DENND4C: variants seen among roughly 807,000 people sequenced by gnomAD.
DENND4C encodes DENN domain-containing protein 4C.
Under a neutral mutation model 203.0 loss-of-function variants are expected in DENND4C, and 108 were observed. The observed-to-expected ratio is 0.53, with a 90% CI of 0.46 to 0.62. DENND4C has a LOEUF of 0.62. Ranked by LOEUF, DENND4C falls within the 20% of genes least tolerant of loss-of-function variation. The pLI is 0.00. For missense variants in DENND4C, 2,481 were observed against 2,301.2 expected (o/e 1.08, Z -1.60); for synonymous variants, 871 against 792.4 (o/e 1.10, Z -1.67).
At chr9:19,318,243 C>G (rs910146973) in intron 12 of DENND4C, among the ~76,000 whole-genome samples, 37 of 152,150 alleles carry the variant, frequency 2.4e-4, no homozygotes, top group African/African-American at 8.9e-4. Context: ...CACTTGAACT[C>G]GGGAGATGGA....
At chr9:19,336,517 A>G (rs1820509802) in intron 19 of DENND4C, 103 bp downstream of exon 19, 1 of 1,451,636 alleles carries the variant, frequency 6.9e-7, no homozygotes, top group Non-Finnish European at 9.1e-7. Flanking sequence ...TCCGGTAGAC[A>G]TTTTCACATA....
chr9:19,342,081 G>A (rs1821778910), intron 21 of DENND4C, among the ~76,000 whole-genome samples: 1 of 138,866 alleles, frequency 7.2e-6, no homozygotes, highest in African/African-American at 2.8e-5. Context: ...CCAATATTGT[G>A]CCATTGCACT....
rs1839023777 is a variant in DENND4C at position 19,303,527 on chromosome 9, A to C, written c.1312-1825A>C. On this transcript the variant is annotated intron_variant, in intron 9 of 32. Coordinates refer to ENST00000434457, the MANE Select transcript of DENND4C (RefSeq NM_001330640.2). ...AAATATTTACTGTCTTTTACAGAAA[A>C]AGTTGCTGACTTTTATCCTAAACTA... 3.3e-5 allele frequency among the ~76,000 whole-genome samples: 5 copies of C among 152,328 alleles called. 1 individual carries two copies. The South Asian group carries it at 1.0e-3, about 32-fold the overall frequency.
intron 1 of DENND4C, among the ~76,000 whole-genome samples, chr9:19,236,414 G>A (rs1298413150): frequency 6.6e-6 from 1 of 152,198 alleles, no homozygotes. Flanking sequence ...ATGAAAAAAT[G>A]TGATGAAGTT....
intron 2 of DENND4C, among the ~76,000 whole-genome samples, chr9:19,279,788 G>A (rs1052822608): frequency 2.0e-5 from 3 of 152,152 alleles, no homozygotes; most frequent in Admixed American, 1.3e-4. Context: ...GGCTCCGATT[G>A]TGCCACTGTA....
At chr9:19,230,673 C>T (rs1344359728), upstream of DENND4C, 3 of 152,186 alleles carry the variant, frequency 2.0e-5, no homozygotes, top group East Asian at 5.8e-4. Context: ...GAGACCCTGC[C>T]CGCGAGGCGG....
At chr9:19,323,826 G>A (rs1361848628) in intron 12 of DENND4C, among the ~76,000 whole-genome samples, 1 of 152,124 alleles carries the variant, frequency 6.6e-6, no homozygotes, top group Non-Finnish European at 1.5e-5. Context: ...TGAAGAGTTT[G>A]ATAGAAGTAT....
At position 19,282,715 on chromosome 9, in the gene DENND4C, C is replaced by CTTTTTTTTTTTTTTTTTT. The variant is rs1554717864; in HGVS notation, c.306-4052_306-4035dup. Reference sequence around the variant, plus strand: ...TTTTCTTTTTCTTTTTTTCTTCTCTCTTTTTTTTTTTTTTTTTTTGAGACA... The same window carrying CTTTTTTTTTTTTTTTTTT: ...TTTTCTTTTTCTTTTTTTCTTCTCTCTTTTTTTTTTTTTTTTTTTTTTTTTTTTTTTTTTTTTGAGACA... On this transcript the variant is annotated intron_variant, in intron 2 of 32. Coordinates refer to ENST00000434457, the MANE Select transcript of DENND4C (RefSeq NM_001330640.2). 1.1e-3 allele frequency among the ~76,000 whole-genome samples: 93 copies of CTTTTTTTTTTTTTTTTTT among 86,660 alleles called. 5 individuals carry two copies. Among genetic ancestry groups the CTTTTTTTTTTTTTTTTTT allele is most frequent in the African/African-American group, 4.0e-3 (90 of 22,624 alleles). The allele number at this position is 86,660 out of a possible 152,430, so 56.9% of individuals were successfully genotyped here.
intron 15 of DENND4C, among the ~76,000 whole-genome samples, chr9:19,327,787 G>A (rs1015353076): frequency 1.3e-5 from 2 of 151,936 alleles, no homozygotes; most frequent in Non-Finnish European, 1.5e-5. Flanking sequence ...AGATATCAGA[G>A]TTTTCTGTGT....
chr9:19,243,771 T>A (rs1824377018), intron 1 of DENND4C, among the ~76,000 whole-genome samples: 1 of 152,216 alleles, frequency 6.6e-6, no homozygotes, highest in African/African-American at 2.4e-5. Flanking sequence ...TTCTACCTTT[T>A]GGCTATTCTG....
chr9:19,259,286 A>G (rs1205965583), intron 1 of DENND4C, among the ~76,000 whole-genome samples: 1 of 151,412 alleles, frequency 6.6e-6, no homozygotes, highest in Non-Finnish European at 1.5e-5. Context: ...CTATTATTCT[A>G]TTTTCTGTTT....
intron 1 of DENND4C, among the ~76,000 whole-genome samples, chr9:19,244,584 CA>C (rs1168779865): frequency 6.6e-6 from 1 of 151,122 alleles, no homozygotes; most frequent in Non-Finnish European, 1.5e-5. Flanking sequence ...CCTAAAAATA[CA>C]AAAAATTAGC....
intron 2 of DENND4C, among the ~76,000 whole-genome samples, chr9:19,286,292 C>A (rs1201587449): frequency 1.3e-5 from 2 of 152,084 alleles, no homozygotes; most frequent in Non-Finnish European, 2.9e-5. Flanking sequence ...TGTCCATAAG[C>A]ATGAGATGTC....
At chr9:19,242,336 T>G (rs1823961878) in intron 1 of DENND4C, among the ~76,000 whole-genome samples, 1 of 152,240 alleles carries the variant, frequency 6.6e-6, no homozygotes, top group South Asian at 2.1e-4. Flanking sequence ...AAGGACATCC[T>G]TGGTTCCAGG....
intron 13 of DENND4C, among the ~76,000 whole-genome samples, chr9:19,325,054 A>G (rs752934147): frequency 1.1e-4 from 16 of 152,264 alleles, no homozygotes; most frequent in Non-Finnish European, 2.1e-4. Context: ...TCGTTTTACA[A>G]CTATTGAGTT....
intron 2 of DENND4C, among the ~76,000 whole-genome samples, chr9:19,278,594 C>T (rs1314003745): frequency 6.6e-6 from 1 of 152,268 alleles, no homozygotes; most frequent in East Asian, 1.9e-4. Flanking sequence ...TGTAACAACT[C>T]AGGCTGAAAA....
chr9:19,270,144 T>G (rs952285159), intron 1 of DENND4C, among the ~76,000 whole-genome samples: 17 of 152,180 alleles, frequency 1.1e-4, no homozygotes, highest in Non-Finnish European at 2.9e-5. Context: ...CTGAGCTACC[T>G]GGAGTTGAGG....
chr9:19,279,920 AG>A (rs1165101712), intron 2 of DENND4C, among the ~76,000 whole-genome samples: 1 of 152,180 alleles, frequency 6.6e-6, no homozygotes, highest in African/African-American at 2.4e-5. Flanking sequence ...TATGAATTCA[AG>A]GGTTGTTTTT....
rs765153755 is a variant in DENND4C, at chr9:19,346,150, G to T, written c.3381G>T (p.Lys1127Asn). 2.5e-6 allele frequency: 4 copies of T among 1,614,094 alleles called. No individual in the cohort carries two copies. The Admixed American group carries it at 6.7e-5, about 27-fold the overall frequency. The change falls in exon 23 of 33, where the codon AAG becomes AAT. Residue 1127 changes from lysine to asparagine, a missense_variant. Lys to Asn is a moderately conservative substitution (Grantham distance 94). Transcript: ENST00000434457. ...CTATCATGATGGGAGCAGATGCCAAGATTCTCACAGCAGCATTGACATGTC... is the reference window on the plus strand; with the variant it reads ...CTATCATGATGGGAGCAGATGCCAATATTCTCACAGCAGCATTGACATGTC... Reference protein sequence around the residue: ...EMAIMMGADAKILTAALTCPK... With the variant: ...EMAIMMGADANILTAALTCPK...
Sources: gnomAD v4.1 joint callset for allele counts (sites outside exome capture counted in the v4.1 genomes callset) on GRCh38, gnomAD v4.1.1 for gene constraint, MANE v1.5 for transcripts, NCBI Gene and HGNC (gene_info 2026-07-23, HGNC 2026-07-21) for gene names.